The following SERPINB12 variants were observed in gnomAD, a reference collection of about 807,000 sequenced individuals.
The protein encoded by SERPINB12 is serpin B12.
Under a neutral mutation model 41.1 loss-of-function variants are expected in SERPINB12, and 57 were observed. That is an observed-to-expected ratio of 1.39 (90% CI 1.12 to 1.73). The LOEUF is 1.73. Ranked by LOEUF, SERPINB12 falls within the 40% of genes most tolerant of loss-of-function variation. The pLI is 0.00. For missense variants in SERPINB12, 536 were observed against 501.9 expected (o/e 1.07, Z -0.65); for synonymous variants, 180 against 181.3 (o/e 0.99, Z 0.06).
At chr18:63,523,295 C>T in the SERPINB12 span, among the ~76,000 whole-genome samples, 2 of 152,140 alleles carry the variant, frequency 1.3e-5, no homozygotes, top group Non-Finnish European at 2.9e-5. Flanking sequence ...ATCCTTAACC[C>T]TTTCGAAGTT....
chr18:63,556,528 A>G (rs1910686258), intron 2 of SERPINB12, among the ~76,000 whole-genome samples: 1 of 152,082 alleles, frequency 6.6e-6, no homozygotes, highest in Non-Finnish European at 1.5e-5. Flanking sequence ...TCTCACTTAA[A>G]CTTGTACCTT....
intron 1 of SERPINB12, among the ~76,000 whole-genome samples, chr18:63,555,061 C>T (rs1910631629): frequency 6.6e-6 from 1 of 152,162 alleles, no homozygotes; most frequent in Non-Finnish European, 1.5e-5. Flanking sequence ...CCATGCGGAA[C>T]TGTGAGTCAA....
intron 5 of SERPINB12, 95 bp from the exon 6 acceptor site, chr18:63,563,883 C>T (rs951612375): frequency 1.4e-5 from 17 of 1,211,032 alleles, no homozygotes; most frequent in African/African-American, 6.7e-5. Flanking sequence ...GAGACAAGAG[C>T]GAAACTCTGT....
Position 63,558,395 on chromosome 18 carries a change from C to T in SERPINB12, c.212C>T (p.Pro71Leu). ...TTTTCCCAGAATGAAAGCAAAGAAC[C>T]TGACCCTTGTCTGAAAAGCAACAAA... Reference protein sequence around the residue: ...NEFSQNESKEPDPCLKSNKQK... With the variant: ...NEFSQNESKELDPCLKSNKQK... Residue 71 changes from proline (P) to leucine (L), a missense_variant, in exon 3 of 8, where the codon CCT becomes CTT. Physicochemically the swap from Pro to Leu is moderately conservative, Grantham distance 98. Transcript: ENST00000382768. 1 of 1,613,880 alleles carries T rather than the reference C, an allele frequency of 6.2e-7. No homozygotes were observed. The highest frequency in any genetic ancestry group is 2.2e-5 in the East Asian group (1 of 44,878).
At chr18:63,540,813 CAT>C (rs1910256815), upstream of SERPINB12, among the ~76,000 whole-genome samples, 1 of 152,046 alleles carries the variant, frequency 6.6e-6, no homozygotes, top group Admixed American at 6.6e-5. Flanking sequence ...ATGTCATTAA[CAT>C]AGTCACTCAA....
At chr18:63,523,197 G>T in the SERPINB12 span, among the ~76,000 whole-genome samples, 1 of 152,206 alleles carries the variant, frequency 6.6e-6, no homozygotes, top group East Asian at 1.9e-4. Context: ...ACATGTCACT[G>T]TGAAGTAATA....
chr18:63,522,674 A>G, the SERPINB12 span, among the ~76,000 whole-genome samples: 6 of 152,204 alleles, frequency 3.9e-5, no homozygotes, highest in Non-Finnish European at 7.4e-5. Flanking sequence ...TATTCAGTCC[A>G]TCATCTAAAC....
At chr18:63,564,255 C>T in intron 6 of SERPINB12, 135 bp downstream of exon 6, 1 of 861,754 alleles carries the variant, frequency 1.2e-6, no homozygotes, top group South Asian at 1.9e-5. Context: ...AGAACCAGTA[C>T]CTGAATTTCA....
chr18:63,526,549 T>C, the SERPINB12 span, among the ~76,000 whole-genome samples: 8 of 152,246 alleles, frequency 5.3e-5, no homozygotes, highest in Non-Finnish European at 1.2e-4. Flanking sequence ...TTAACTGTTT[T>C]ATATTTTTAT....
At position 63,564,062 on chromosome 18, in the gene SERPINB12, A is replaced by G. The variant is rs749766929; in HGVS notation, c.647A>G (p.Lys216Arg). 17 of 1,614,150 alleles carry G rather than the reference A, an allele frequency of 1.1e-5. No individual in the cohort carries two copies. The highest frequency in any genetic ancestry group is 1.4e-5 in the Non-Finnish European group (17 of 1,180,010). ...GTGAATGCTGTTTACTTCAAGGCCA[A>G]ATGGGAAACATACTTTGACCATGAA... ...VLVNAVYFKAKWETYFDHENT... is the reference protein window; with the variant it reads ...VLVNAVYFKARWETYFDHENT... The change falls in exon 6 of 8, where the codon AAA (lysine) becomes AGA (arginine). Residue 216 changes from lysine to arginine, a missense_variant. Transcript: ENST00000382768.
chr18:63,525,231 G>T, the SERPINB12 span, among the ~76,000 whole-genome samples: 1 of 151,864 alleles, frequency 6.6e-6, no homozygotes, highest in Non-Finnish European at 1.5e-5. Context: ...AGACAATAAA[G>T]AACTCATTTT....
upstream of SERPINB12, among the ~76,000 whole-genome samples, chr18:63,538,678 T>C (rs1438815144): frequency 6.6e-6 from 1 of 152,190 alleles, no homozygotes; most frequent in Non-Finnish European, 1.5e-5. Flanking sequence ...TGTGTGGACA[T>C]AGGTTTTCAT....
chr18:63,564,238 G>C, intron 6 of SERPINB12, 118 bp downstream of exon 6: 1 of 1,102,960 alleles, frequency 9.1e-7, no homozygotes, highest in East Asian at 2.5e-5. Flanking sequence ...AACATTTTTC[G>C]TTGATAAGAA....
intron 6 of SERPINB12, 25 bp downstream of exon 6, chr18:63,564,145 TCTA>T: frequency 6.3e-7 from 1 of 1,596,506 alleles, no homozygotes; most frequent in Non-Finnish European, 8.5e-7. Flanking sequence ...CTCATGGTTT[TCTA>T]GCTAGCCAAC....
the SERPINB12 span, among the ~76,000 whole-genome samples, chr18:63,521,150 T>G: frequency 6.6e-6 from 1 of 152,216 alleles, no homozygotes; most frequent in African/African-American, 2.4e-5. Flanking sequence ...GTTATGGCTT[T>G]TGCAGAGTCT....
the SERPINB12 span, among the ~76,000 whole-genome samples, chr18:63,528,787 A>G: frequency 6.6e-6 from 1 of 152,182 alleles, no homozygotes; most frequent in African/African-American, 2.4e-5. Context: ...GTACTCTCCA[A>G]AAGGACACTT....
At chr18:63,542,198 GC>G (rs779674326), upstream of SERPINB12, among the ~76,000 whole-genome samples, 77 of 152,238 alleles carry the variant, frequency 5.1e-4, no homozygotes, top group Non-Finnish European at 9.0e-4. Context: ...TAAAGGAGAG[GC>G]CCTCATGGTG....
chr18:63,566,508 T>A, intron 7 of SERPINB12, 99 bp from the exon 8 acceptor site: 1 of 1,055,232 alleles, frequency 9.5e-7, no homozygotes, highest in Non-Finnish European at 1.4e-6. Context: ...TTGAAGGTTG[T>A]CACTGCCCAC....
intron 2 of SERPINB12, among the ~76,000 whole-genome samples, chr18:63,557,635 G>A (rs1910722380): frequency 6.6e-6 from 1 of 152,180 alleles, no homozygotes; most frequent in Non-Finnish European, 1.5e-5. Flanking sequence ...TAGCTTTAGA[G>A]TGTGGTTTGC....
Sources: gnomAD v4.1 joint callset for allele counts (sites outside exome capture counted in the v4.1 genomes callset) on GRCh38, gnomAD v4.1.1 for gene constraint, MANE v1.5 for transcripts, NCBI Gene and HGNC (gene_info 2026-07-23, HGNC 2026-07-21) for gene names.